The following LPIN1 variants were observed in gnomAD, a reference collection of about 807,000 sequenced individuals.
LPIN1 encodes phosphatidate phosphatase LPIN1.
In LPIN1, 71 loss-of-function variants were observed where a neutral mutation model predicts 107.5. That is an observed-to-expected ratio of 0.66 (90% CI 0.55 to 0.80). The LOEUF is 0.80. Among genes scored for constraint, LPIN1 ranks in the 30% least tolerant of loss-of-function variants. The pLI, the probability that LPIN1 is intolerant of heterozygous loss-of-function variation, is 0.00. For synonymous variants in LPIN1, 445 were observed against 452.6 expected (o/e 0.98, Z 0.21); for missense variants, 1,043 against 1,160.6 (o/e 0.90, Z 1.47).
upstream of LPIN1, among the ~76,000 whole-genome samples, chr2:11,744,197 TCTC>T (rs1186678834): frequency 6.6e-6 from 1 of 152,188 alleles, no homozygotes; most frequent in Admixed American, 6.5e-5. Context: ...TGGAGTTCCT[TCTC>T]CTCTTCCGAG....
At chr2:11,698,657 C>T (rs528917055) in intron 1 of LPIN1, among the ~76,000 whole-genome samples, 8 of 152,226 alleles carry the variant, frequency 5.3e-5, no homozygotes, top group Non-Finnish European at 2.9e-5. Flanking sequence ...TATCAGGACT[C>T]CCGCTGCTGG....
intron 20 of LPIN1, among the ~76,000 whole-genome samples, chr2:11,824,287 C>T (rs1019342378): frequency 1.3e-5 from 2 of 151,426 alleles, no homozygotes; most frequent in Non-Finnish European, 2.9e-5. Flanking sequence ...ATTCTTCCCC[C>T]GATGTCCCAT....
At chr2:11,800,108 T>C (rs1210865937) in intron 14 of LPIN1, among the ~76,000 whole-genome samples, 1 of 152,240 alleles carries the variant, frequency 6.6e-6, no homozygotes, top group East Asian at 1.9e-4. Context: ...GGTCTCTGTG[T>C]TGTGATTTAG....
chr2:11,806,893 ATT>A (rs1201775401), intron 17 of LPIN1, among the ~76,000 whole-genome samples: 1 of 152,110 alleles, frequency 6.6e-6, no homozygotes, highest in African/African-American at 2.4e-5. Context: ...CACTCACATT[ATT>A]TAATTATTCA....
chr2:11,692,584 G>A lies in LPIN1; in HGVS notation c.81+14856G>A, dbSNP rs1662327475. Among the ~76,000 whole-genome samples, 3 of 152,248 alleles carry A rather than the reference G, an allele frequency of 2.0e-5. No homozygotes were observed. In the South Asian group the frequency reaches 6.2e-4, roughly 31 times the overall value. ...AAGTTTCTAAAGTGCTTAGCAAATA[G>A]TGCTTAGCAATAAGGAGCACGATAC... On this transcript the variant is annotated intron_variant, in intron 1 of 21. Transcript: ENST00000449576.
At chr2:11,683,361 A>G (rs1446852428) in intron 1 of LPIN1, 1 of 152,262 alleles carries the variant, frequency 6.6e-6, no homozygotes, top group Non-Finnish European at 1.5e-5. Flanking sequence ...TCTGATATTT[A>G]AACATGCTCA....
At position 11,774,965 on chromosome 2, in the gene LPIN1, T is replaced by TAAA. The variant is rs1171247173; in HGVS notation, c.723-1107_723-1105dup. ...TTCCAGTAGCCCTATTTTTAAAAAG[T>TAAA]AAAAAAAAAAAAAAAAGATGAAATT... On this transcript the variant is annotated intron_variant, in intron 5 of 20. Transcript: ENST00000674199. The surrounding 1 kb of genome is among the most constrained non-coding windows in gnomAD (Gnocchi z 4.4). 1.7e-4 allele frequency among the ~76,000 whole-genome samples: 20 copies of TAAA among 119,956 alleles called. No homozygotes were observed. Among genetic ancestry groups the TAAA allele is most frequent in the East Asian group, 1.6e-3 (7 of 4,316 alleles). The allele number at this position is 119,956 out of a possible 152,430, so 78.7% of individuals were successfully genotyped here. A position where few individuals can be genotyped will look rare whatever the true frequency, so the allele number is the denominator to read the frequency against.
intron 15 of LPIN1, among the ~76,000 whole-genome samples, chr2:11,804,122 A>G (rs1678238556): frequency 6.6e-6 from 1 of 152,098 alleles, no homozygotes; most frequent in South Asian, 2.1e-4. Context: ...ATCCTGGCTA[A>G]TGACTGTAAT....
Position 11,788,373 on chromosome 2 carries a change from T to C in LPIN1, c.1644-14T>C, listed in dbSNP as rs200189213. 2.1e-5 allele frequency: 34 copies of C among 1,602,378 alleles called. No homozygotes were observed. The highest frequency in any genetic ancestry group is 3.3e-5 in the Admixed American group (2 of 59,990). ...CCTCGGTTTTTTGACATATATTTCA[T>C]TGTTTTGTGTTAGATATTATAACTG... On this transcript the variant is annotated splice_polypyrimidine_tract_variant and intron_variant, in intron 11 of 20. Coordinates refer to ENST00000674199, the MANE Select transcript of LPIN1 (RefSeq NM_001349206.2).
rs1011670744 is a variant in LPIN1 at position 11,774,953 on chromosome 2, AT to A, written c.723-1128del. Reference sequence around the variant, plus strand: ...TAATTTTAAGATTTCCAGTAGCCCTATTTTTAAAAAGTAAAAAAAAAAAAAA... The same window carrying A: ...TAATTTTAAGATTTCCAGTAGCCCTATTTTAAAAAGTAAAAAAAAAAAAAA... On this transcript the variant is annotated intron_variant, in intron 5 of 20. Transcript: ENST00000674199. The surrounding 1 kb of genome is among the most constrained non-coding windows in gnomAD (Gnocchi z 4.4). 6.7e-6 allele frequency among the ~76,000 whole-genome samples: 1 copy of A among 149,406 alleles called. No individual in the cohort carries two copies. Among genetic ancestry groups the A allele is most frequent in the African/African-American group, 2.5e-5 (1 of 39,844 alleles).
chr2:11,756,331 C>A (rs1161745152), intron 1 of LPIN1, among the ~76,000 whole-genome samples: 2 of 152,150 alleles, frequency 1.3e-5, no homozygotes, highest in Non-Finnish European at 2.9e-5. Flanking sequence ...ACAGCAGATT[C>A]CTGAATTGTC....
Position 11,826,936 on chromosome 2 carries a change from A to G in LPIN1, c.*2145A>G, listed in dbSNP as rs1302262311. 6.5e-6 allele frequency: 1 copy of G among 152,696 alleles called. No homozygotes were observed. Among genetic ancestry groups the G allele is most frequent in the Non-Finnish European group, 1.5e-5 (1 of 68,052 alleles). 9.5% of individuals were successfully genotyped at this position (152,696 alleles called of 1,614,324 possible). A position where few individuals can be genotyped will look rare whatever the true frequency, so the allele number is the denominator to read the frequency against. Reference sequence around the variant, plus strand: ...CAATGTGAGCCCTGGCAAGGCTGGCATATTAACACCTGCCTTCTGGCTTCT... The same window carrying G: ...CAATGTGAGCCCTGGCAAGGCTGGCGTATTAACACCTGCCTTCTGGCTTCT... On this transcript the variant is annotated 3_prime_UTR_variant, in exon 21 of 21. Coordinates refer to ENST00000674199, the MANE Select transcript of LPIN1 (RefSeq NM_001349206.2).
intron 1 of LPIN1, among the ~76,000 whole-genome samples, chr2:11,749,913 C>T (rs1667534571): frequency 1.3e-5 from 2 of 152,270 alleles, no homozygotes; most frequent in Non-Finnish European, 2.9e-5. Context: ...AATGCTGGGG[C>T]TTTCCAGAAA....
chr2:11,738,240 T>G (rs1665984446), intron 1 of LPIN1, among the ~76,000 whole-genome samples: 18 of 141,810 alleles, frequency 1.3e-4, no homozygotes, highest in African/African-American at 2.7e-4. Flanking sequence ...TGTTGGGGAG[T>G]GGGGGGCTAG....
rs1031341500 is a variant in LPIN1, at chr2:11,786,747, C to T, written c.1550-327C>T. 2.0e-5 allele frequency among the ~76,000 whole-genome samples: 3 copies of T among 152,206 alleles called. No homozygotes were observed. The highest frequency in any genetic ancestry group is 2.1e-4 in the South Asian group (1 of 4,834). On this transcript the variant is annotated intron_variant, in intron 10 of 20. Transcript: ENST00000674199. This position sits in a 1 kb window ranked among gnomAD's most constrained non-coding sequence, Gnocchi z 4.1. Reference sequence around the variant, plus strand: ...TTCAGCCGAGGGAGCCTGGCTTCTGCGCCATGCGTAGCCATGACTCTGCCT... The same window carrying T: ...TTCAGCCGAGGGAGCCTGGCTTCTGTGCCATGCGTAGCCATGACTCTGCCT...
chr2:11,782,325 T>C lies in LPIN1; in HGVS notation c.1082T>C (p.Leu361Pro), dbSNP rs1572787564. Residue 361 changes from leucine to proline, a missense_variant, in exon 8 of 21, where the codon CTG becomes CCG. Physicochemically the swap from Leu to Pro is moderately conservative, Grantham distance 98. Coordinates refer to ENST00000674199, the MANE Select transcript of LPIN1 (RefSeq NM_001349206.2). ...ACTTTTAGTGACCAATCGCCAACTCTGGTCGGTGGGGCACTTTTGGACCAG... is the reference window on the plus strand; with the variant it reads ...ACTTTTAGTGACCAATCGCCAACTCCGGTCGGTGGGGCACTTTTGGACCAG... Reference protein sequence around the residue: ...SDTFSDQSPTLVGGALLDQNK... With the variant: ...SDTFSDQSPTPVGGALLDQNK... The C allele has an allele frequency of 1.9e-6, 3 of 1,614,238 alleles. No individual in the cohort carries two copies. Among genetic ancestry groups the C allele is most frequent in the Non-Finnish European group, 1.7e-6 (2 of 1,180,040 alleles).
chr2:11,723,574 G>C (rs1412712739), upstream of LPIN1: 1 of 152,150 alleles, frequency 6.6e-6, no homozygotes, highest in African/African-American at 2.4e-5. Context: ...GGAGAATGGC[G>C]TGAACCCGGG....
At chr2:11,701,647 A>G (rs1483304045) in intron 1 of LPIN1, among the ~76,000 whole-genome samples, 2 of 152,200 alleles carry the variant, frequency 1.3e-5, no homozygotes, top group East Asian at 3.8e-4. Context: ...CCTCATTCTC[A>G]CTTAATCCTC....
chr2:11,766,362 T>G (rs1256843078), intron 2 of LPIN1, among the ~76,000 whole-genome samples: 1 of 152,056 alleles, frequency 6.6e-6, no homozygotes, highest in Admixed American at 6.6e-5. Flanking sequence ...GGAAGAAGGA[T>G]AAAGTTCATA....
Sources: gnomAD v4.1 joint callset for allele counts (sites outside exome capture counted in the v4.1 genomes callset) on GRCh38, gnomAD v4.1.1 for gene constraint, Gnocchi (gnomAD v3.1) non-coding constraint, MANE v1.5 for transcripts, NCBI Gene and HGNC (gene_info 2026-07-23, HGNC 2026-07-21) for gene names.